CDON: variants seen among roughly 807,000 people sequenced by gnomAD.
CDON encodes the protein cell adhesion associated, oncogene regulated.
In CDON, 73 loss-of-function variants were observed where a neutral mutation model predicts 120.9. The observed-to-expected ratio is 0.60, with a 90% CI of 0.50 to 0.73. The LOEUF (loss-of-function observed/expected upper bound fraction) is 0.73, where lower values mean the gene tolerates loss of function less well. CDON is among the 30% of genes least tolerant of loss of function. CDON has a pLI of 0.00. For missense variants in CDON, 1,470 were observed against 1,587.3 expected (o/e 0.93, Z 1.26); for synonymous variants, 566 against 573.5 (o/e 0.99, Z 0.19).
intron 14 of CDON, among the ~76,000 whole-genome samples, chr11:125,993,063 T>TA (rs1946674709): frequency 6.6e-6 from 1 of 152,326 alleles, no homozygotes; most frequent in Non-Finnish European, 1.5e-5. Context: ...AGTTCTTTCT[T>TA]ACGCTGCTTT....
At chr11:126,041,533 G>A (rs1948262968) in intron 1 of CDON, among the ~76,000 whole-genome samples, 1 of 152,140 alleles carries the variant, frequency 6.6e-6, no homozygotes. Context: ...ATGAACTTCT[G>A]TATAGTCAAA....
At chr11:126,040,814 C>CAAAAAAAAAAAAAA (rs71048763) in intron 1 of CDON, among the ~76,000 whole-genome samples, 5 of 44,998 alleles carry the variant, frequency 1.1e-4, no homozygotes, top group African/African-American at 8.2e-5. Flanking sequence ...GACTCCGTCT[C>CAAAAAAAAAAAAAA]AAAAAAAAAA....
intron 1 of CDON, among the ~76,000 whole-genome samples, chr11:126,028,697 AG>A (rs1214327623): frequency 2.7e-5 from 4 of 148,810 alleles, no homozygotes; most frequent in Non-Finnish European, 4.5e-5. Flanking sequence ...AACTTTTAAC[AG>A]CTGCGGAGAA....
chr11:126,035,106 T>G (rs1948059220), intron 1 of CDON, among the ~76,000 whole-genome samples: 1 of 152,190 alleles, frequency 6.6e-6, no homozygotes, highest in African/African-American at 2.4e-5. Context: ...TATAAGAGTT[T>G]CCCTGGCAGT....
In CDON at chr11:126,023,522, C is replaced by T; in HGVS notation, c.-46G>A. The stretch of plus-strand genomic sequence containing the variant: ...ATCAGGACAGGCTTCCAGAGCAAAA[C>T]CCAGTCCTTGGTTCACTAAAAAAGA... On this transcript the variant is annotated 5_prime_UTR_variant, in exon 2 of 20. Transcript: ENST00000531738. The T allele has an allele frequency of 1.5e-6, 2 of 1,337,014 alleles. No individual in the cohort carries two copies. Among genetic ancestry groups the T allele is most frequent in the African/African-American group, 1.4e-5 (1 of 69,648 alleles). 82.8% of individuals were successfully genotyped at this position (1,337,014 alleles called of 1,614,324 possible). A position where few individuals can be genotyped will look rare whatever the true frequency, so the allele number is the denominator to read the frequency against.
upstream of CDON, among the ~76,000 whole-genome samples, chr11:126,063,001 T>C (rs2134992513): frequency 6.6e-6 from 1 of 151,114 alleles, no homozygotes; most frequent in Non-Finnish European, 1.5e-5. Context: ...AGGCGGGCCG[T>C]AGAGGCCGCT....
At chr11:126,043,955 A>T (rs953196588) in intron 1 of CDON, among the ~76,000 whole-genome samples, 2 of 152,258 alleles carry the variant, frequency 1.3e-5, no homozygotes, top group Non-Finnish European at 2.9e-5. Context: ...TCAACCAAAG[A>T]CAGGTCCCAA....
rs10643446 is a variant in CDON, at chr11:126,050,495, A to AACACACACACAC, written c.-62+12072_-62+12083dup. On this transcript the variant is annotated intron_variant, in intron 1 of 19. Transcript: ENST00000531738. ...TCTCATACATTTCCTGTAAGTAGCA[A>AACACACACACAC]ACACACACACACACACACACACACA... Among the ~76,000 whole-genome samples the AACACACACACAC allele has an allele frequency of 9.1e-4, 130 of 143,102 alleles. 1 individual carries two copies. Among genetic ancestry groups the AACACACACACAC allele is most frequent in the African/African-American group, 2.6e-3 (100 of 38,216 alleles). The allele number at this position is 143,102 out of a possible 152,430, so 93.9% of individuals were successfully genotyped here. A position where few individuals can be genotyped will look rare whatever the true frequency, so the allele number is the denominator to read the frequency against.
At chr11:126,057,953 T>C (rs577349674) in intron 1 of CDON, among the ~76,000 whole-genome samples, 104 of 152,354 alleles carry the variant, frequency 6.8e-4, no homozygotes, top group African/African-American at 2.3e-3. Flanking sequence ...AGACATAATT[T>C]CTGTTATTAT....
chr11:125,961,755 A>T lies in CDON; in HGVS notation c.3600T>A (p.Asp1200Glu), dbSNP rs1945650419. ...TGAACTCTGCTGGATCTTCTGAGCCATCAGAGCTGACGTCATTTACAATGT... is the reference window on the plus strand; with the variant it reads ...TGAACTCTGCTGGATCTTCTGAGCCTTCAGAGCTGACGTCATTTACAATGT... The part of the protein sequence containing the change: ...CQDIVNDVSS[D>E]GSEDPAEFSR... Residue 1200 changes from aspartate (D) to glutamate (E), a missense_variant, in exon 19 of 20, where the codon GAT becomes GAA. Coordinates refer to ENST00000531738, the MANE Select transcript of CDON (RefSeq NM_001378964.1). The T allele has an allele frequency of 1.9e-6, 3 of 1,614,236 alleles. No homozygotes were observed. The highest frequency in any genetic ancestry group is 2.5e-6 in the Non-Finnish European group (3 of 1,180,028).
At chr11:126,025,859 T>G (rs141031241) in intron 1 of CDON, among the ~76,000 whole-genome samples, 1 of 152,090 alleles carries the variant, frequency 6.6e-6, no homozygotes, top group African/African-American at 2.4e-5. Context: ...AGATAGACAA[T>G]ATAAAAGATA....
intron 1 of CDON, among the ~76,000 whole-genome samples, chr11:126,027,501 T>C (rs372659154): frequency 6.6e-6 from 1 of 152,232 alleles, no homozygotes; most frequent in South Asian, 2.1e-4. Flanking sequence ...TTTATTCATA[T>C]GTGTGTGTAT....
intron 1 of CDON, among the ~76,000 whole-genome samples, chr11:126,055,983 T>C (rs1221333943): frequency 6.6e-6 from 1 of 152,206 alleles, no homozygotes; most frequent in African/African-American, 2.4e-5. Context: ...TTGGTAACTT[T>C]TAACATATTT....
chr11:125,985,145 A>G (rs1283970075), intron 15 of CDON, among the ~76,000 whole-genome samples: 1 of 152,116 alleles, frequency 6.6e-6, no homozygotes, highest in African/African-American at 2.4e-5. Context: ...CATTAGCTGT[A>G]TGATTTTTAC....
chr11:126,028,351 A>G (rs146290970), intron 1 of CDON, among the ~76,000 whole-genome samples: 71 of 151,596 alleles, frequency 4.7e-4, no homozygotes, highest in South Asian at 4.4e-3. Flanking sequence ...TTATTTAGTG[A>G]TCATTTTTCC....
intron 1 of CDON, among the ~76,000 whole-genome samples, chr11:126,031,218 A>T (rs1008690641): frequency 1.3e-5 from 2 of 152,244 alleles, no homozygotes; most frequent in African/African-American, 2.4e-5. Context: ...AAAGAGACAC[A>T]GTGTCTGCCC....
intron 1 of CDON, among the ~76,000 whole-genome samples, chr11:126,058,834 A>C (rs1948733398): frequency 6.6e-6 from 1 of 152,256 alleles, no homozygotes; most frequent in South Asian, 2.1e-4. Flanking sequence ...GAAGGAAGAC[A>C]CACTAATGTT....
In CDON at chr11:126,003,292, C is replaced by T. The variant is rs1026353310; in HGVS notation, c.2026+610G>A. Among the ~76,000 whole-genome samples the T allele has an allele frequency of 3.9e-5, 6 of 152,306 alleles. No individual in the cohort carries two copies. In the East Asian group the frequency reaches 1.2e-3, roughly 29 times the overall value. Reference sequence around the variant, plus strand: ...GTCTTGTAGTTGGTATTAAGTTACACATCTTAGCTTTCTTATCAAAGTATA... The same window carrying T: ...GTCTTGTAGTTGGTATTAAGTTACATATCTTAGCTTTCTTATCAAAGTATA... On this transcript the variant is annotated intron_variant, in intron 10 of 19. Transcript: ENST00000531738.
intron 9 of CDON, chr11:126,004,417 A>G (rs1947054925): frequency 2.2e-5 from 7 of 319,090 alleles, no homozygotes; most frequent in South Asian, 2.2e-4. Flanking sequence ...TAAAATAAGT[A>G]TAAAATAATA....
Sources: allele counts gnomAD v4.1 joint callset (sites outside exome capture counted in the v4.1 genomes callset), GRCh38; gene constraint gnomAD v4.1.1; transcripts MANE v1.5; gene names NCBI Gene and HGNC (gene_info 2026-07-23, HGNC 2026-07-21).